TP63: variants seen among roughly 807,000 people sequenced by gnomAD.
TP63 encodes tumor protein p63, also known as tumor protein 63.
Under a neutral mutation model 82.8 loss-of-function variants are expected in TP63, and 17 were observed. That is an observed-to-expected ratio of 0.21 (90% CI 0.14 to 0.31). The LOEUF (loss-of-function observed/expected upper bound fraction) is 0.31, where lower values mean the gene tolerates loss of function less well. Ranked by LOEUF, TP63 falls within the 10% of genes least tolerant of loss-of-function variation. The probability of loss-of-function intolerance (pLI) is 1.00; values close to 1 mark genes in which losing one functional copy is unlikely to be tolerated. For synonymous variants in TP63, 330 were observed against 321.7 expected (o/e 1.03, Z -0.28); for missense variants, 648 against 895.3 (o/e 0.72, Z 3.52).
rs1165834146 is a variant in TP63 at position 189,682,693 on chromosome 3, C to T, written c.62+51116C>T. ...AATTTATTTCACTTAGGAGGTCTTT[C>T]ACCATTATTCTGCACTGAACATTTC... On this transcript the variant is annotated intron_variant, in intron 1 of 13. Coordinates refer to ENST00000264731, the MANE Select transcript of TP63 (RefSeq NM_003722.5). Among the ~76,000 whole-genome samples, 8 of 151,636 alleles carry T rather than the reference C, an allele frequency of 5.3e-5. No homozygotes were observed. In the East Asian group the frequency reaches 1.5e-3, roughly 29 times the overall value.
In TP63 at chr3:189,873,010, G is replaced by C; in HGVS notation, c.1349+15G>C. On this transcript the variant is annotated intron_variant, in intron 10 of 13. Transcript: ENST00000264731. ...CTTCAGAAACAGTGAGTGTATCAAC[G>C]TGTCATTTTAGGAGGCATGAGTGAG... is the stretch of plus-strand genomic sequence containing the variant. 1 of 1,614,084 alleles carries C rather than the reference G, an allele frequency of 6.2e-7. No individual in the cohort carries two copies. Among genetic ancestry groups the C allele is most frequent in the South Asian group, 1.1e-5 (1 of 91,086 alleles).
intron 9 of TP63, among the ~76,000 whole-genome samples, chr3:189,870,488 T>C (rs1718283960): frequency 1.3e-5 from 2 of 152,106 alleles, no homozygotes; most frequent in South Asian, 4.2e-4. Flanking sequence ...CACCATTTTA[T>C]ATAAGGGACT....
chr3:189,736,834 C>A (rs1002179635), intron 1 of TP63, among the ~76,000 whole-genome samples: 3 of 151,940 alleles, frequency 2.0e-5, no homozygotes, highest in African/African-American at 7.2e-5. Context: ...TTCTTTATAA[C>A]AGGAACAGTA....
chr3:189,736,060 T>G (rs554375096), intron 1 of TP63, among the ~76,000 whole-genome samples: 28 of 150,760 alleles, frequency 1.9e-4, no homozygotes, highest in Middle Eastern at 3.5e-3. Context: ...AATTTAAAAT[T>G]TATTTAAAAT....
At chr3:189,787,679 G>C (rs544106373) in intron 3 of TP63, among the ~76,000 whole-genome samples, 1 of 152,008 alleles carries the variant, frequency 6.6e-6, no homozygotes, top group East Asian at 1.9e-4. Context: ...CAATACTTGG[G>C]ACCCTGAGCC....
At chr3:189,778,269 A>T (rs947243030) in intron 3 of TP63, among the ~76,000 whole-genome samples, 40 of 152,326 alleles carry the variant, frequency 2.6e-4, no homozygotes, top group African/African-American at 9.4e-4. Context: ...ATGTGGGAGA[A>T]ATAAAATGGC....
At chr3:189,745,405 A>G (rs1721289204) in intron 3 of TP63, among the ~76,000 whole-genome samples, 1 of 152,164 alleles carries the variant, frequency 6.6e-6, no homozygotes, top group African/African-American at 2.4e-5. Flanking sequence ...AAAGAGATAG[A>G]TATCATTAAT....
At chr3:189,619,311 A>G in the TP63 span, among the ~76,000 whole-genome samples, 8 of 152,358 alleles carry the variant, frequency 5.3e-5, no homozygotes, top group African/African-American at 1.9e-4. Flanking sequence ...GGGAAGCACT[A>G]GCTCTTACTA....
At chr3:189,672,630 AAGGAAGGG>A (rs1293423547) in intron 1 of TP63, among the ~76,000 whole-genome samples, 231 of 127,610 alleles carry the variant, frequency 1.8e-3, no homozygotes, top group Middle Eastern at 0.011. Context: ...AAAAGGAAGG[AAGGAAGGG>A]AGGGAGGGAG....
rs184215171 is a variant in TP63, at chr3:189,787,496, T to A, written c.325-20776T>A. On this transcript the variant is annotated intron_variant, in intron 3 of 13. Transcript: ENST00000264731. ...TCAAGTAGCCATAGTGGATATATTG[T>A]CTTAGATTTTGTCCAGAATCTTTGT... Among the ~76,000 whole-genome samples, 40 of 143,278 alleles carry A rather than the reference T, an allele frequency of 2.8e-4. 1 individual carries two copies. In the East Asian group the frequency reaches 6.5e-3, roughly 23 times the overall value. The allele number at this position is 143,278 out of a possible 152,430, so 94.0% of individuals were successfully genotyped here.
chr3:189,757,310 G>C (rs1479010973), intron 3 of TP63, among the ~76,000 whole-genome samples: 1 of 152,194 alleles, frequency 6.6e-6, no homozygotes, highest in Non-Finnish European at 1.5e-5. Flanking sequence ...TCAGGCTCCA[G>C]AGATAGATGG....
intron 1 of TP63, among the ~76,000 whole-genome samples, chr3:189,655,367 C>G (rs9847440): frequency 0.44 from 66,550 of 151,564 alleles, 15,932 homozygotes; most frequent in Middle Eastern, 0.69. Context: ...GCTCACATCC[C>G]TAATCTCAGC....
intron 3 of TP63, among the ~76,000 whole-genome samples, chr3:189,797,993 A>T (rs1725886146): frequency 1.3e-5 from 2 of 151,934 alleles, no homozygotes; most frequent in African/African-American, 4.8e-5. Flanking sequence ...TTTCTTCCTC[A>T]TTGCTCTCTG....
intron 1 of TP63, among the ~76,000 whole-genome samples, chr3:189,641,423 ATAAG>A (rs1711858991): frequency 6.6e-6 from 1 of 152,154 alleles, no homozygotes; most frequent in Non-Finnish European, 1.5e-5. Flanking sequence ...TTATATTTCA[ATAAG>A]TATTTATTAC....
At chr3:189,725,164 G>T (rs1433992993) in intron 1 of TP63, among the ~76,000 whole-genome samples, 1 of 151,894 alleles carries the variant, frequency 6.6e-6, no homozygotes, top group Non-Finnish European at 1.5e-5. Flanking sequence ...AGTCAATTTT[G>T]TGTATTTAAT....
chr3:189,858,549 A>T (rs1259579414), intron 4 of TP63, among the ~76,000 whole-genome samples: 4 of 152,178 alleles, frequency 2.6e-5, no homozygotes, highest in African/African-American at 9.7e-5. Context: ...CTGAGACAGG[A>T]GGATCACTTA....
chr3:189,780,912 C>T (rs937899604), intron 3 of TP63, among the ~76,000 whole-genome samples: 1 of 152,178 alleles, frequency 6.6e-6, no homozygotes, highest in African/African-American at 2.4e-5. Context: ...TCTTCTTCTT[C>T]TTAAAATGCA....
intron 1 of TP63, among the ~76,000 whole-genome samples, chr3:189,670,497 A>C (rs1714797542): frequency 6.6e-6 from 1 of 152,134 alleles, no homozygotes; most frequent in African/African-American, 2.4e-5. Flanking sequence ...ATACAAAAAT[A>C]AGATTTTAAA....
At chr3:189,681,987 C>T (rs1418179972) in intron 1 of TP63, among the ~76,000 whole-genome samples, 2 of 152,154 alleles carry the variant, frequency 1.3e-5, no homozygotes, top group African/African-American at 2.4e-5. Flanking sequence ...AATCTTAGCA[C>T]TTTGGGAGGC....
Sources: gnomAD v4.1 joint callset for allele counts (sites outside exome capture counted in the v4.1 genomes callset) on GRCh38, gnomAD v4.1.1 for gene constraint, MANE v1.5 for transcripts, NCBI Gene and HGNC (gene_info 2026-07-23, HGNC 2026-07-21) for gene names.